Variants in PRKCZ observed in about 807,000 individuals in gnomAD.
PRKCZ encodes the protein protein kinase C zeta, also known as protein kinase C zeta type.
A neutral mutation model predicts 79.5 loss-of-function variants in PRKCZ; 33 were observed. The ratio of observed to expected loss-of-function variants is 0.41; its 90% CI spans 0.31 to 0.55. The LOEUF (loss-of-function observed/expected upper bound fraction) is 0.55, where lower values mean the gene tolerates loss of function less well. Ranked by LOEUF, PRKCZ falls within the 20% of genes least tolerant of loss-of-function variation. The pLI is 0.19. For synonymous variants in PRKCZ, 342 were observed against 320.9 expected, an observed-to-expected ratio of 1.07 and a Z score of -0.70; for missense variants, 578 against 813.5, an observed-to-expected ratio of 0.71 and a Z score of 3.52.
intron 4 of PRKCZ, among the ~76,000 whole-genome samples, chr1:2,105,873 T>G (rs1668310348): frequency 6.6e-6 from 1 of 152,190 alleles, no homozygotes. Flanking sequence ...ATGAGAATTA[T>G]TCTCAGGTCT....
intron 4 of PRKCZ, among the ~76,000 whole-genome samples, chr1:2,119,251 G>A (rs921289636): frequency 1.1e-5 from 1 of 93,352 alleles, no homozygotes; most frequent in African/African-American, 4.3e-5. Flanking sequence ...TGTCACTCTT[G>A]TTGCCCAGGC....
intron 4 of PRKCZ, among the ~76,000 whole-genome samples, chr1:2,110,518 A>C (rs983244803): frequency 1.3e-5 from 2 of 152,140 alleles, no homozygotes; most frequent in African/African-American, 2.4e-5. Context: ...GAGTCCCCCA[A>C]GTCCATTGAG....
chr1:2,106,525 CTGGTGGG>C lies in PRKCZ; in HGVS notation c.335-28736_335-28730del, dbSNP rs1201436080. Among the ~76,000 whole-genome samples the C allele has an allele frequency of 2.0e-3, 141 of 72,108 alleles. 41 individuals carry two copies. The highest frequency in any genetic ancestry group is 3.1e-3 in the Admixed American group (21 of 6,704). The allele number at this position is 72,108 out of a possible 152,430, so 47.3% of individuals were successfully genotyped here. ...GCCAGGTAACTCTCAGCAAGCCCCT[CTGGTGGG>C]CGAGGACCTCCACACGTGTCACCAG... On this transcript the variant is annotated intron_variant, in intron 4 of 17. Transcript: ENST00000378567.
At chr1:2,059,693 C>T in intron 4 of PRKCZ, 102 bp downstream of exon 4, 3 of 1,473,442 alleles carry the variant, frequency 2.0e-6, no homozygotes, top group Non-Finnish European at 2.8e-6. Flanking sequence ...CGGAGGTTCA[C>T]CCTCGTGGAG....
intron 4 of PRKCZ, among the ~76,000 whole-genome samples, chr1:2,114,962 T>G (rs1447709949): frequency 6.6e-6 from 1 of 152,244 alleles, no homozygotes; most frequent in Non-Finnish European, 1.5e-5. Context: ...AGCGTTCAAC[T>G]CCACGAGTTT....
At chr1:2,063,351 C>T (rs1323562473) in intron 4 of PRKCZ, among the ~76,000 whole-genome samples, 2 of 152,220 alleles carry the variant, frequency 1.3e-5, no homozygotes, top group Admixed American at 6.5e-5. Flanking sequence ...CTCGCTCTGT[C>T]GCTTAGGCTG....
At chr1:2,089,054 A>G (rs1665027467) in intron 4 of PRKCZ, among the ~76,000 whole-genome samples, 1 of 152,256 alleles carries the variant, frequency 6.6e-6, no homozygotes, top group South Asian at 2.1e-4. Flanking sequence ...CCCTGTCATC[A>G]GCTAATAATA....
rs543658565 is a variant in PRKCZ, at chr1:2,153,630, G to A, written c.877-2365G>A. Among the ~76,000 whole-genome samples, 17 of 152,362 alleles carry A rather than the reference G, an allele frequency of 1.1e-4. 1 individual carries two copies. The East Asian group carries it at 3.3e-3, about 29-fold the overall frequency. ...TGCCCTGCTGACAGCCCCGCTGCTG[G>A]CCAGCGGCAGCACAGGAGGATTCCA... On this transcript the variant is annotated intron_variant, in intron 9 of 17. Transcript: ENST00000378567.
chr1:2,163,291 C>T (rs977142352), intron 10 of PRKCZ, among the ~76,000 whole-genome samples: 4 of 152,222 alleles, frequency 2.6e-5, no homozygotes, highest in Non-Finnish European at 5.9e-5. Flanking sequence ...AGAGGAGAGA[C>T]AGGGGCTCTG....
intron 10 of PRKCZ, among the ~76,000 whole-genome samples, chr1:2,161,502 G>T (rs1037643245): frequency 2.0e-5 from 3 of 152,242 alleles, no homozygotes; most frequent in Non-Finnish European, 4.4e-5. Flanking sequence ...TGGGCTTTGG[G>T]ACACACCTGC....
intron 7 of PRKCZ, among the ~76,000 whole-genome samples, chr1:2,148,583 A>G (rs1425382215): frequency 6.6e-6 from 1 of 151,824 alleles, no homozygotes; most frequent in African/African-American, 2.4e-5. Context: ...GCCCCTACCC[A>G]CCCATTCACT....
chr1:2,112,365 C>G (rs775607762), intron 4 of PRKCZ, among the ~76,000 whole-genome samples: 1 of 152,192 alleles, frequency 6.6e-6, no homozygotes, highest in East Asian at 1.9e-4. Context: ...CGAGGCGGCC[C>G]GCGAACCTCT....
chr1:2,166,746 C>G (rs1000257254), intron 10 of PRKCZ, among the ~76,000 whole-genome samples: 21 of 152,244 alleles, frequency 1.4e-4, no homozygotes, highest in Admixed American at 6.5e-5. Context: ...CCCCCACCCC[C>G]ACCCCCAGGC....
At chr1:2,059,289 T>TG (rs1557475938) in intron 3 of PRKCZ, among the ~76,000 whole-genome samples, 1 of 152,278 alleles carries the variant, frequency 6.6e-6, no homozygotes, top group African/African-American at 2.4e-5. Flanking sequence ...TAGCTTCCTC[T>TG]GATGGCTTTG....
At chr1:2,060,112 A>G (rs1660537847) in intron 4 of PRKCZ, among the ~76,000 whole-genome samples, 1 of 152,148 alleles carries the variant, frequency 6.6e-6, no homozygotes, top group African/African-American at 2.4e-5. Flanking sequence ...GCAGGTGGCT[A>G]CGCTGCTCTC....
Position 2,122,183 on chromosome 1 carries a change from TGTG to T in PRKCZ, c.335-13073_335-13071del, listed in dbSNP as rs1290401517. 4.8e-3 allele frequency among the ~76,000 whole-genome samples: 12 copies of T among 2,490 alleles called. 6 individuals carry two copies. In the African/African-American group the frequency reaches 0.049, roughly 10 times the overall value. 1.6% of individuals were successfully genotyped at this position (2,490 alleles called of 152,430 possible). ...TGGTTAGGGTCGTGGTGGTTAGGGTTGTGGTGGTTAGGGTGGTGGTGGTTAGGG... is the reference window on the plus strand; with the variant it reads ...TGGTTAGGGTCGTGGTGGTTAGGGTTGTGGTTAGGGTGGTGGTGGTTAGGG... On this transcript the variant is annotated intron_variant, in intron 4 of 17. Transcript: ENST00000378567.
chr1:2,123,540 T>TGGC (rs1183790557), intron 4 of PRKCZ, among the ~76,000 whole-genome samples: 1 of 12,734 alleles, frequency 7.9e-5, no homozygotes, highest in Non-Finnish European at 1.2e-4. Context: ...GTTAGGGTTG[T>TGGC]GGTGGTTAGG....
chr1:2,113,906 T>C lies in PRKCZ; in HGVS notation c.335-21356T>C, dbSNP rs145684912. Among the ~76,000 whole-genome samples the C allele has an allele frequency of 4.9e-3, 743 of 151,634 alleles. 4 individuals are homozygous for C. Among genetic ancestry groups the C allele is most frequent in the African/African-American group, 0.017 (705 of 41,280 alleles). On this transcript the variant is annotated intron_variant, in intron 4 of 17. Transcript: ENST00000378567. ...CATGTGTTTGAGGGAGGGGAGATGA[T>C]GGTGTGGGAGTGTAGAGAGGGCGGG... is the stretch of plus-strand genomic sequence containing the variant.
chr1:2,075,884 G>T lies in PRKCZ; in HGVS notation c.334+16293G>T, dbSNP rs777276927. Among the ~76,000 whole-genome samples, 28 of 152,222 alleles carry T rather than the reference G, an allele frequency of 1.8e-4. 1 individual carries two copies. Among genetic ancestry groups the T allele is most frequent in the Non-Finnish European group, 3.7e-4 (25 of 68,032 alleles). Reference sequence around the variant, plus strand: ...GTGACCTGCTCTCGTGTGTGTAGCAGCGGGGGCTGCGTCTCATCTGCCACA... The same window carrying T: ...GTGACCTGCTCTCGTGTGTGTAGCATCGGGGGCTGCGTCTCATCTGCCACA... On this transcript the variant is annotated intron_variant, in intron 4 of 17. Coordinates refer to ENST00000378567, the MANE Select transcript of PRKCZ (RefSeq NM_002744.6). The surrounding 1 kb of genome is among the most constrained non-coding windows in gnomAD (Gnocchi z 4.8).
Sources: gnomAD v4.1 joint callset for allele counts (sites outside exome capture counted in the v4.1 genomes callset) on GRCh38, gnomAD v4.1.1 for gene constraint, Gnocchi (gnomAD v3.1) non-coding constraint, MANE v1.5 for transcripts, NCBI Gene and HGNC (gene_info 2026-07-23, HGNC 2026-07-21) for gene names.